The following MYOF variants were observed in gnomAD, a reference collection of about 807,000 sequenced individuals.
MYOF encodes fer-1-like 3, myoferlin.
A neutral mutation model predicts 284.2 loss-of-function variants in MYOF; 244 were observed. That is an observed-to-expected ratio of 0.86 (90% CI 0.77 to 0.95). The LOEUF is 0.95. Ranked by LOEUF, MYOF falls within the 40% of genes least tolerant of loss-of-function variation. The pLI is 0.00. For missense variants in MYOF, 2,496 were observed against 2,560.6 expected (o/e 0.97, Z 0.54); for synonymous variants, 904 against 919.7 (o/e 0.98, Z 0.31).
rs1843755782 is a variant in MYOF, at chr10:93,339,061, G to A, written c.4338+1092C>T. ...CGGAGTCTCACTCTGTTGCCCAGCT[G>A]GAGTGCAGTGTCATGATCTCAGCTC... On this transcript the variant is annotated intron_variant, in intron 39 of 53. Coordinates refer to ENST00000359263, the MANE Select transcript of MYOF (RefSeq NM_013451.4). 2.2e-5 allele frequency among the ~76,000 whole-genome samples: 3 copies of A among 137,750 alleles called. No homozygotes were observed. The South Asian group carries it at 7.4e-4, about 34-fold the overall frequency. The allele number at this position is 137,750 out of a possible 152,430, so 90.4% of individuals were successfully genotyped here. A position where few individuals can be genotyped will look rare whatever the true frequency, so the allele number is the denominator to read the frequency against.
intron 1 of MYOF, among the ~76,000 whole-genome samples, chr10:93,457,306 C>T (rs895299202): frequency 3.9e-5 from 6 of 152,190 alleles, no homozygotes; most frequent in Non-Finnish European, 7.3e-5. Context: ...AGAGTTAAGA[C>T]GTTTATCTGA....
chr10:93,324,061 T>C (rs1015987599), intron 46 of MYOF, among the ~76,000 whole-genome samples: 3 of 152,214 alleles, frequency 2.0e-5, no homozygotes, highest in Admixed American at 6.5e-5. Flanking sequence ...GGTGAAAGCC[T>C]AGACTGACAT....
At position 93,380,055 on chromosome 10, in the gene MYOF, A is replaced by T; in HGVS notation, c.1877-68T>A. ...AATAGACAGCATGTTTATTAAAGAG[A>T]TGTGCAGACTGAGCTGCTGATTAAT... On this transcript the variant is annotated intron_variant, in intron 20 of 53. Coordinates refer to ENST00000359263, the MANE Select transcript of MYOF (RefSeq NM_013451.4). The T allele has an allele frequency of 2.6e-6, 4 of 1,560,710 alleles. No individual in the cohort carries two copies. In the African/African-American group the frequency reaches 4.0e-5, roughly 16 times the overall value.
chr10:93,325,766 A>G (rs1843015763), intron 46 of MYOF, 60 bp downstream of exon 46: 5 of 1,539,470 alleles, frequency 3.2e-6, no homozygotes, highest in African/African-American at 1.4e-5. Context: ...AAAAATGTCA[A>G]CTACTGCCAT....
intron 15 of MYOF, 53 bp downstream of exon 15, chr10:93,397,194 A>G (rs1847058696): frequency 7.1e-7 from 1 of 1,404,534 alleles, no homozygotes; most frequent in South Asian, 1.2e-5. Context: ...ATGTTTCACA[A>G]TATCCAATGT....
chr10:93,402,207 G>A (rs1216192835), intron 11 of MYOF, 25 bp downstream of exon 11: 1 of 1,586,334 alleles, frequency 6.3e-7, no homozygotes, highest in African/African-American at 1.3e-5. Flanking sequence ...GAGAAGTGTA[G>A]AAAGTAGAGA....
At chr10:93,441,997 AACACACACACACACACACACAC>A (rs34488205) in intron 3 of MYOF, among the ~76,000 whole-genome samples, 2 of 132,970 alleles carry the variant, frequency 1.5e-5, no homozygotes, top group Admixed American at 7.6e-5. Flanking sequence ...CCTCAACCTG[AACACACACACACACACACACAC>A]ACACACACAC....
intron 25 of MYOF, among the ~76,000 whole-genome samples, chr10:93,368,562 C>T (rs560995357): frequency 3.9e-4 from 59 of 152,270 alleles, no homozygotes; most frequent in African/African-American, 1.3e-3. Flanking sequence ...CTAAAAGCTC[C>T]GATGGACAGA....
intron 53 of MYOF, 65 bp downstream of exon 53, chr10:93,309,955 C>T: frequency 6.3e-7 from 1 of 1,599,014 alleles, no homozygotes; most frequent in African/African-American, 1.3e-5. Flanking sequence ...GGGCAGATGC[C>T]AAGGGAGAGG....
chr10:93,340,321 A>G (rs1843840144), intron 38 of MYOF, 157 bp from the exon 39 acceptor site: 5 of 710,098 alleles, frequency 7.0e-6, no homozygotes, highest in South Asian at 3.9e-5. Context: ...TAAATTATTT[A>G]AAATTTTCTA....
At chr10:93,353,917 A>C (rs1235803549) in intron 31 of MYOF, 29 bp from the exon 32 acceptor site, 2 of 1,557,770 alleles carry the variant, frequency 1.3e-6, no homozygotes, top group Non-Finnish European at 1.8e-6. Context: ...GATTACTTAC[A>C]AGAAGCGTAA....
At chr10:93,339,511 C>T (rs1179970709) in intron 39 of MYOF, among the ~76,000 whole-genome samples, 1 of 151,950 alleles carries the variant, frequency 6.6e-6, no homozygotes, top group Non-Finnish European at 1.5e-5. Flanking sequence ...GTTGCCCAGG[C>T]TGGAGTACAG....
chr10:93,359,379 T>C (rs1271907166), intron 29 of MYOF, among the ~76,000 whole-genome samples: 3 of 152,240 alleles, frequency 2.0e-5, no homozygotes, highest in African/African-American at 4.8e-5. Context: ...ATTTAAAGCT[T>C]ACAATACCCT....
At chr10:93,397,920 C>T (rs1351642833) in intron 13 of MYOF, among the ~76,000 whole-genome samples, 1 of 152,026 alleles carries the variant, frequency 6.6e-6, no homozygotes, top group Admixed American at 6.6e-5. Context: ...CTGACACTTC[C>T]GTCTTCAAGC....
intron 5 of MYOF, among the ~76,000 whole-genome samples, chr10:93,411,922 T>C (rs901820858): frequency 3.9e-5 from 6 of 152,216 alleles, no homozygotes; most frequent in African/African-American, 1.4e-4. Flanking sequence ...TTCAGGTTCT[T>C]CTGTGGGCCC....
chr10:93,395,033 C>T, intron 16 of MYOF, among the ~76,000 whole-genome samples: 1 of 152,076 alleles, frequency 6.6e-6, no homozygotes, highest in East Asian at 1.9e-4. Flanking sequence ...ATGAGAGGAA[C>T]CTTGAGTTGC....
chr10:93,434,300 T>C (rs1464782787), intron 3 of MYOF, among the ~76,000 whole-genome samples: 1 of 151,756 alleles, frequency 6.6e-6, no homozygotes, highest in Non-Finnish European at 1.5e-5. Flanking sequence ...GGTGTGGTGG[T>C]GCGCACCTGT....
At chr10:93,312,125 A>G (rs1458921278) in intron 51 of MYOF, among the ~76,000 whole-genome samples, 1 of 152,262 alleles carries the variant, frequency 6.6e-6, no homozygotes, top group African/African-American at 2.4e-5. Flanking sequence ...TTATGAATGT[A>G]AGGTACTTGG....
At chr10:93,362,248 TG>T (rs1845110501) in intron 27 of MYOF, among the ~76,000 whole-genome samples, 1 of 131,380 alleles carries the variant, frequency 7.6e-6, no homozygotes. Flanking sequence ...ACACCTGGCC[TG>T]TTTTTGTTTT....
Sources: gnomAD v4.1 joint callset for allele counts (sites outside exome capture counted in the v4.1 genomes callset) on GRCh38, gnomAD v4.1.1 for gene constraint, MANE v1.5 for transcripts, NCBI Gene and HGNC (gene_info 2026-07-23, HGNC 2026-07-21) for gene names.